PHTF1: variants seen among roughly 807,000 people sequenced by gnomAD.
PHTF1 encodes putative homeodomain transcription factor 1.
Under a neutral mutation model 102.4 loss-of-function variants are expected in PHTF1, and 88 were observed. That is an observed-to-expected ratio of 0.86 (90% CI 0.72 to 1.03). The LOEUF (loss-of-function observed/expected upper bound fraction) is 1.03. PHTF1 is among the 50% of genes least tolerant of loss of function. The pLI is 0.00. For synonymous variants in PHTF1, 289 were observed against 305.2 expected (o/e 0.95, Z 0.55); for missense variants, 814 against 909.5 (o/e 0.89, Z 1.35).
In PHTF1 at chr1:113,697,169, T is replaced by C. The variant is rs1177859330; in HGVS notation, c.*536A>G. On this transcript the variant is annotated 3_prime_UTR_variant, in exon 19 of 19. Transcript: ENST00000369604. Reference sequence around the variant, plus strand: ...AAACTCACAGTTTAAAAGTTAATTTTCTTCCTTCAACAACAAAGAAAACCT... The same window carrying C: ...AAACTCACAGTTTAAAAGTTAATTTCCTTCCTTCAACAACAAAGAAAACCT... The C allele has an allele frequency of 6.6e-6, 1 of 152,448 alleles. No homozygotes were observed. Among genetic ancestry groups the C allele is most frequent in the Non-Finnish European group, 1.5e-5 (1 of 68,096 alleles). The allele number at this position is 152,448 out of a possible 1,614,324, so 9.4% of individuals were successfully genotyped here. A position where few individuals can be genotyped will look rare whatever the true frequency, so the allele number is the denominator to read the frequency against.
chr1:113,751,378 C>A (rs1658045819), intron 3 of PHTF1, among the ~76,000 whole-genome samples: 1 of 152,124 alleles, frequency 6.6e-6, no homozygotes, highest in Non-Finnish European at 1.5e-5. Context: ...TCCTTTCTGC[C>A]TGTTTGCAGG....
In PHTF1 at chr1:113,729,940, C is replaced by T. The variant is rs182587273; in HGVS notation, c.332-3366G>A. 7.3e-4 allele frequency among the ~76,000 whole-genome samples: 111 copies of T among 152,300 alleles called. 1 individual carries two copies. Among genetic ancestry groups the T allele is most frequent in the African/African-American group, 2.4e-3 (100 of 41,564 alleles). ...TTTGCATATTGCTACCTGAGGACAA[C>T]GGAAGCATCCTGTTTGGAACCATCC... On this transcript the variant is annotated intron_variant, in intron 5 of 18. Transcript: ENST00000369604.
At chr1:113,737,872 G>C (rs1402058899) in intron 5 of PHTF1, among the ~76,000 whole-genome samples, 1 of 152,200 alleles carries the variant, frequency 6.6e-6, no homozygotes, top group African/African-American at 2.4e-5. Context: ...GACTGAGAAG[G>C]CCTGGCCAGT....
intron 5 of PHTF1, among the ~76,000 whole-genome samples, chr1:113,731,659 C>G (rs1055950075): frequency 2.6e-5 from 4 of 151,778 alleles, no homozygotes; most frequent in Non-Finnish European, 4.4e-5. Context: ...TTTGGGAGGC[C>G]GAGGCGGAAG....
At position 113,712,037 on chromosome 1, in the gene PHTF1, A is replaced by G; in HGVS notation, c.860T>C (p.Met287Thr). Residue 287 changes from methionine to threonine, a missense_variant, in exon 9 of 19, where the codon ATG becomes ACG. By Grantham distance (81) the Met-to-Thr change is moderately conservative (BLOSUM62 -1). Coordinates refer to ENST00000369604, the MANE Select transcript of PHTF1 (RefSeq NM_001323043.2). The stretch of plus-strand genomic sequence containing the variant: ...TTCCACACTCCTACGCAATAATATC[A>G]TCTGTGTCCGTGCTTCACCATCTTC... ...SEEDGEARTQ[M>T]ILLRRSVEGA... The G allele has an allele frequency of 6.2e-7, 1 of 1,613,164 alleles. No individual in the cohort carries two copies. Among genetic ancestry groups the G allele is most frequent in the Non-Finnish European group, 8.5e-7 (1 of 1,179,146 alleles).
In PHTF1 at chr1:113,704,801, G is replaced by A; in HGVS notation, c.1672-4C>T. ...AGAGTTTTGCAAATAAAAATCTCTA[G>A]AAGAGATTTAAAAAAAATCACAGTG... On this transcript the variant is annotated splice_polypyrimidine_tract_variant and splice_region_variant and intron_variant, in intron 13 of 18. Transcript: ENST00000369604. 1.3e-6 allele frequency: 2 copies of A among 1,567,664 alleles called. No individual in the cohort carries two copies. Among genetic ancestry groups the A allele is most frequent in the South Asian group, 2.3e-5 (2 of 87,142 alleles).
At chr1:113,701,386 TAGC>T (rs1393489264) in intron 15 of PHTF1, among the ~76,000 whole-genome samples, 1 of 152,132 alleles carries the variant, frequency 6.6e-6, no homozygotes. Context: ...CAAATAACAA[TAGC>T]AGCAGCAACT....
chr1:113,758,506 T>C lies in PHTF1; in HGVS notation c.45+153A>G, dbSNP rs1659225027. ...ACCGGGTTTAAAAGACATAATGACC[T>C]TGTACATCTTTTTTTTTTTTTTTTC... On this transcript the variant is annotated intron_variant, in intron 2 of 18. Transcript: ENST00000369604. Among the ~76,000 whole-genome samples the C allele has an allele frequency of 3.3e-5, 5 of 149,910 alleles. No homozygotes were observed. The Admixed American group carries it at 3.4e-4, about 10-fold the overall frequency.
At chr1:113,731,359 C>T (rs2636016) in intron 5 of PHTF1, among the ~76,000 whole-genome samples, 1 of 151,284 alleles carries the variant, frequency 6.6e-6, no homozygotes, top group Non-Finnish European at 1.5e-5. Flanking sequence ...ATAGCGAGAG[C>T]CCATCTCTAA....
intron 7 of PHTF1, 71 bp downstream of exon 7, chr1:113,724,688 C>CT (rs1402128245): frequency 8.1e-7 from 1 of 1,240,876 alleles, no homozygotes; most frequent in Non-Finnish European, 1.1e-6. Context: ...CTACTTACTC[C>CT]TATGGCCTGA....
chr1:113,758,796 T>G, intron 1 of PHTF1, 63 bp from the exon 2 acceptor site: 1 of 1,524,592 alleles, frequency 6.6e-7, no homozygotes, highest in Non-Finnish European at 8.8e-7. Flanking sequence ...CCAGTTTGGG[T>G]AGGACGCGAA....
In PHTF1 at chr1:113,698,314, A is replaced by C. The variant is rs1371696369; in HGVS notation, c.2216T>G (p.Ile739Ser). 1.2e-6 allele frequency: 2 copies of C among 1,608,214 alleles called. No homozygotes were observed. Among genetic ancestry groups the C allele is most frequent in the South Asian group, 1.1e-5 (1 of 90,934 alleles). ...PLIYNITRVV[I>S]LSAVSGVISD... Reference sequence around the variant, plus strand: ...TATAACACCTGAGACAGCAGAAAGGATAACTACTCTTGTGATATTGTAGAT... The same window carrying C: ...TATAACACCTGAGACAGCAGAAAGGCTAACTACTCTTGTGATATTGTAGAT... Residue 739 changes from isoleucine to serine, a missense_variant, in exon 18 of 19, where the codon ATC becomes AGC. By Grantham distance (142) the Ile-to-Ser change is moderately radical (BLOSUM62 -2). Transcript: ENST00000369604.
At chr1:113,715,251 C>G (rs919234463) in intron 7 of PHTF1, 3 of 152,362 alleles carry the variant, frequency 2.0e-5, no homozygotes, top group African/African-American at 7.2e-5. Flanking sequence ...TGAACATCCA[C>G]AAGCATCAAG....
chr1:113,705,847 TATACAAAAACAGGTAAA>T (rs1650063381), intron 13 of PHTF1, 26 bp downstream of exon 13: 2 of 1,504,352 alleles, frequency 1.3e-6, no homozygotes, highest in African/African-American at 2.8e-5. Context: ...TGGAATATCA[TATACAAAAACAGGTAAA>T]AAATTTTCCT....
At chr1:113,752,385 ATTTTTTTTTTT>A (rs774522219) in intron 3 of PHTF1, among the ~76,000 whole-genome samples, 3 of 47,888 alleles carry the variant, frequency 6.3e-5, no homozygotes, top group South Asian at 6.6e-4. Context: ...TGTTACTGTA[ATTTTTTTTTTT>A]TTTTTTTTTT....
At position 113,759,123 on chromosome 1, in the gene PHTF1, G is replaced by A; in HGVS notation, c.-131C>T. The A allele has an allele frequency of 1.0e-6, 1 of 978,372 alleles. No individual in the cohort carries two copies. Among genetic ancestry groups the A allele is most frequent in the South Asian group, 4.7e-5 (1 of 21,310 alleles). 60.6% of individuals were successfully genotyped at this position (978,372 alleles called of 1,614,324 possible). A position where few individuals can be genotyped will look rare whatever the true frequency, so the allele number is the denominator to read the frequency against. On this transcript the variant is annotated 5_prime_UTR_variant, in exon 1 of 19. Transcript: ENST00000369604. Reference sequence around the variant, plus strand: ...GGCGAGGCGGCGGGCCAGGCAGGCCGCATCTTCCCCTCCAGGCGGAGACGC... The same window carrying A: ...GGCGAGGCGGCGGGCCAGGCAGGCCACATCTTCCCCTCCAGGCGGAGACGC...
At chr1:113,705,804 A>G (rs1650051677) in intron 13 of PHTF1, 86 bp downstream of exon 13, 1 of 990,410 alleles carries the variant, frequency 1.0e-6, no homozygotes, top group Non-Finnish European at 1.5e-6. Flanking sequence ...CAACTTGAAG[A>G]GAGACCAAAT....
At position 113,752,860 on chromosome 1, in the gene PHTF1, T is replaced by C. The variant is rs546390430; in HGVS notation, c.102+4839A>G. ...TAAATAAAAATAGTAAGAGCAGATA[T>C]CCCTGCTTTGTTCCTGATTTTAGGG... On this transcript the variant is annotated intron_variant, in intron 3 of 18. Transcript: ENST00000369604. 2.0e-5 allele frequency among the ~76,000 whole-genome samples: 3 copies of C among 152,354 alleles called. No individual in the cohort carries two copies. In the East Asian group the frequency reaches 5.8e-4, roughly 29 times the overall value.
rs878880532 is a variant in PHTF1, at chr1:113,699,529, A to G, written c.2142+175T>C. 3.3e-5 allele frequency: 22 copies of G among 658,994 alleles called. 1 individual carries two copies. In the South Asian group the frequency reaches 3.6e-4, roughly 11 times the overall value. 40.8% of individuals were successfully genotyped at this position (658,994 alleles called of 1,614,324 possible). On this transcript the variant is annotated intron_variant, in intron 17 of 18. Coordinates refer to ENST00000369604, the MANE Select transcript of PHTF1 (RefSeq NM_001323043.2). ...TAATCTTGCCTCCAGGAGCTCTGTGACCTCAGCTCTGGTCCTAACCACCAC... is the reference window on the plus strand; with the variant it reads ...TAATCTTGCCTCCAGGAGCTCTGTGGCCTCAGCTCTGGTCCTAACCACCAC...
Sources: allele counts gnomAD v4.1 joint callset (sites outside exome capture counted in the v4.1 genomes callset), GRCh38; gene constraint gnomAD v4.1.1; transcripts MANE v1.5; gene names NCBI Gene and HGNC (gene_info 2026-07-23, HGNC 2026-07-21).